Variants in SLC6A16 observed in about 807,000 individuals in gnomAD.
SLC6A16 encodes orphan sodium- and chloride-dependent neurotransmitter transporter NTT5.
A neutral mutation model predicts 65.4 loss-of-function variants in SLC6A16; 54 were observed. The ratio of observed to expected loss-of-function variants is 0.83; its 90% CI spans 0.66 to 1.04. The LOEUF is 1.04. SLC6A16 is among the 50% of genes least tolerant of loss of function. SLC6A16 has a pLI of 0.00. For synonymous variants in SLC6A16, 330 were observed against 346.5 expected (o/e 0.95, Z 0.53); for missense variants, 816 against 914.0 (o/e 0.89, Z 1.38).
intron 8 of SLC6A16, 23 bp downstream of exon 8, chr19:49,294,344 C>T (rs755781759): frequency 1.9e-6 from 3 of 1,609,390 alleles, no homozygotes; most frequent in East Asian, 2.2e-5. Context: ...CTCTAGGCTC[C>T]CCCCTCAGCT....
At chr19:49,311,614 C>T (rs1448444668) in intron 1 of SLC6A16, among the ~76,000 whole-genome samples, 3 of 151,788 alleles carry the variant, frequency 2.0e-5, no homozygotes, top group Non-Finnish European at 2.9e-5. Flanking sequence ...TTTGGGAGGC[C>T]GAGGAAGATG....
intron 1 of SLC6A16, among the ~76,000 whole-genome samples, chr19:49,313,072 C>CAAAAAAAAAAAAAAAAAAAAAAAA (rs5828385): frequency 9.4e-5 from 9 of 95,778 alleles, no homozygotes; most frequent in African/African-American, 3.7e-4. Flanking sequence ...AACCCTGTCT[C>CAAAAAAAAAAAAAAAAAAAAAAAA]AAAAAAAAAA....
upstream of SLC6A16, among the ~76,000 whole-genome samples, chr19:49,329,868 C>T (rs1408631435): frequency 6.6e-6 from 1 of 151,960 alleles, no homozygotes. Flanking sequence ...CTCCTGAACT[C>T]GTGATCCGCC....
At chr19:49,309,610 A>T in intron 5 of SLC6A16, 41 bp downstream of exon 5, 2 of 1,574,678 alleles carry the variant, frequency 1.3e-6, no homozygotes, top group Non-Finnish European at 1.7e-6. Context: ...TAAGGGCTAA[A>T]GCATCTGAGA....
the SLC6A16 span, chr19:49,339,381 G>A: frequency 6.2e-7 from 1 of 1,614,092 alleles, no homozygotes; most frequent in Non-Finnish European, 8.5e-7. The surrounding 1 kb of genome is among the most constrained non-coding windows in gnomAD (Gnocchi z 4.5). Context: ...TATTTCCATA[G>A]TGGGCATTTG....
chr19:49,320,725 A>G (rs1002860369), intron 1 of SLC6A16, among the ~76,000 whole-genome samples: 1 of 152,216 alleles, frequency 6.6e-6, no homozygotes, highest in African/African-American at 2.4e-5. Flanking sequence ...AGAGAGTACT[A>G]TGAACTTATG....
chr19:49,308,784 G>C, intron 7 of SLC6A16, 92 bp downstream of exon 7: 1 of 1,515,810 alleles, frequency 6.6e-7, no homozygotes, highest in Non-Finnish European at 9.0e-7. Context: ...TGAAATGTGT[G>C]AACATGGGTC....
intron 9 of SLC6A16, 146 bp from the exon 10 acceptor site, chr19:49,293,528 G>T: frequency 1.4e-6 from 1 of 735,620 alleles, no homozygotes. Context: ...ATTTTGGGGA[G>T]CCTAAGTGGG....
At chr19:49,339,724 G>C in the SLC6A16 span, 5 of 1,400,750 alleles carry the variant, frequency 3.6e-6, no homozygotes, top group Middle Eastern at 2.6e-4. The surrounding 1 kb of genome is among the most constrained non-coding windows in gnomAD (Gnocchi z 4.5). Flanking sequence ...CGAGCCGCAC[G>C]TGCCGGGCGC....
the SLC6A16 span, chr19:49,335,431 C>T: frequency 2.2e-5 from 18 of 830,844 alleles, no homozygotes; most frequent in Non-Finnish European, 3.6e-5. The surrounding 1 kb of genome is among the most constrained non-coding windows in gnomAD (Gnocchi z 4.6). Flanking sequence ...TCCTTTCTCT[C>T]TCAGCTCTCC....
At chr19:49,293,620 C>T (rs1045067863) in intron 9 of SLC6A16, among the ~76,000 whole-genome samples, 6 of 152,088 alleles carry the variant, frequency 3.9e-5, no homozygotes, top group African/African-American at 9.7e-5. Flanking sequence ...AAAACTTAGC[C>T]GGGCGTGGTG....
At chr19:49,291,856 C>G (rs1235596261) in intron 10 of SLC6A16, among the ~76,000 whole-genome samples, 2 of 152,062 alleles carry the variant, frequency 1.3e-5, no homozygotes, top group Admixed American at 6.6e-5. Flanking sequence ...GCCACCTTCC[C>G]CAACTCTCCA....
the SLC6A16 span, chr19:49,335,805 G>T: frequency 6.3e-7 from 1 of 1,594,076 alleles, no homozygotes; most frequent in South Asian, 1.1e-5. The surrounding 1 kb of genome is among the most constrained non-coding windows in gnomAD (Gnocchi z 4.6). Context: ...GGCTGGGGCA[G>T]GTGGGAGGGC....
chr19:49,299,997 CAAAAAA>C (rs889761825), intron 7 of SLC6A16, among the ~76,000 whole-genome samples: 4 of 49,014 alleles, frequency 8.2e-5, no homozygotes, highest in South Asian at 7.1e-4. Flanking sequence ...GACTCTGTCT[CAAAAAA>C]AAAAAAAAAA....
chr19:49,313,967 G>C (rs1970572160), intron 1 of SLC6A16, among the ~76,000 whole-genome samples: 1 of 151,874 alleles, frequency 6.6e-6, no homozygotes, highest in African/African-American at 2.4e-5. Flanking sequence ...ACAGTGGCGG[G>C]CGCCTGTAGT....
At chr19:49,327,991 G>A (rs770498629), upstream of SLC6A16, among the ~76,000 whole-genome samples, 20 of 152,154 alleles carry the variant, frequency 1.3e-4, no homozygotes, top group East Asian at 5.8e-4. Flanking sequence ...GGTCATGGTC[G>A]GAATTTTTTT....
At chr19:49,312,259 G>T (rs1049198355) in intron 1 of SLC6A16, among the ~76,000 whole-genome samples, 12 of 152,134 alleles carry the variant, frequency 7.9e-5, no homozygotes, top group African/African-American at 1.2e-4. Context: ...TACTAAATCT[G>T]CCTTGTAACC....
chr19:49,292,753 G>A lies in SLC6A16; in HGVS notation c.1778+470C>T, dbSNP rs746404809. ...CAGGGAGCACTTTACTCAAAATCTTGTCATGACTCCCTCCCTCCTATCATT... is the reference window on the plus strand; with the variant it reads ...CAGGGAGCACTTTACTCAAAATCTTATCATGACTCCCTCCCTCCTATCATT... On this transcript the variant is annotated intron_variant, in intron 10 of 11. Coordinates refer to ENST00000335875, the MANE Select transcript of SLC6A16 (RefSeq NM_014037.3). This position sits in a 1 kb window ranked among gnomAD's most constrained non-coding sequence, Gnocchi z 4.3. Among the ~76,000 whole-genome samples, 16 of 152,020 alleles carry A rather than the reference G, an allele frequency of 1.1e-4. No individual in the cohort carries two copies. The highest frequency in any genetic ancestry group is 6.6e-5 in the Admixed American group (1 of 15,258).
At chr19:49,337,125 A>T in the SLC6A16 span, 1 of 1,613,870 alleles carries the variant, frequency 6.2e-7, no homozygotes, top group Non-Finnish European at 8.5e-7. Context: ...GGTCAGCCTG[A>T]TCTCTCCACT....
Sources: gnomAD v4.1 joint callset for allele counts (sites outside exome capture counted in the v4.1 genomes callset) on GRCh38, gnomAD v4.1.1 for gene constraint, Gnocchi (gnomAD v3.1) non-coding constraint, MANE v1.5 for transcripts, NCBI Gene and HGNC (gene_info 2026-07-23, HGNC 2026-07-21) for gene names.